Variants in ASIC2 observed in about 807,000 individuals in gnomAD.
ASIC2 encodes the protein acid-sensing ion channel 2.
A neutral mutation model predicts 57.3 loss-of-function variants in ASIC2; 25 were observed. The observed-to-expected ratio is 0.44, with a 90% CI of 0.32 to 0.61. The LOEUF (loss-of-function observed/expected upper bound fraction) is 0.61. Ranked by LOEUF, ASIC2 falls within the 20% of genes least tolerant of loss-of-function variation. The probability of loss-of-function intolerance (pLI) is 0.06; values close to 1 mark genes in which losing one functional copy is unlikely to be tolerated. For synonymous variants in ASIC2, 319 were observed against 307.5 expected (o/e 1.04, Z -0.39); for missense variants, 641 against 738.1 (o/e 0.87, Z 1.52).
chr17:33,248,587 A>G (rs769936229), intron 1 of ASIC2, among the ~76,000 whole-genome samples: 11 of 152,232 alleles, frequency 7.2e-5, no homozygotes, highest in Non-Finnish European at 7.3e-5. Flanking sequence ...AATTTGTTTC[A>G]CTGAGCTGGA....
chr17:33,618,348 G>A (rs897350756), intron 1 of ASIC2, among the ~76,000 whole-genome samples: 13 of 151,884 alleles, frequency 8.6e-5, no homozygotes, highest in African/African-American at 2.4e-4. Context: ...GCCACCACAC[G>A]TGGCTCAATG....
At chr17:33,700,784 A>G (rs1376151110) in intron 1 of ASIC2, among the ~76,000 whole-genome samples, 2 of 152,176 alleles carry the variant, frequency 1.3e-5, no homozygotes, top group Non-Finnish European at 2.9e-5. Flanking sequence ...TTGCAGGCTG[A>G]GGAGCATATG....
chr17:33,301,924 C>T (rs1235213521), intron 1 of ASIC2, among the ~76,000 whole-genome samples: 1 of 152,228 alleles, frequency 6.6e-6, no homozygotes, highest in Non-Finnish European at 1.5e-5. Context: ...CTGAGACAGG[C>T]AGAGGCAACA....
intron 1 of ASIC2, among the ~76,000 whole-genome samples, chr17:33,718,341 G>A (rs1231317718): frequency 3.3e-5 from 5 of 152,190 alleles, no homozygotes; most frequent in Non-Finnish European, 7.3e-5. Context: ...TACAGAGGCT[G>A]ACTGGATTTA....
At chr17:34,091,516 T>C (rs1290372734) in intron 1 of ASIC2, among the ~76,000 whole-genome samples, 1 of 151,992 alleles carries the variant, frequency 6.6e-6, no homozygotes. Flanking sequence ...AACTGGGGAG[T>C]GGGAGAATCC....
At chr17:33,265,714 C>T (rs1909433464) in intron 1 of ASIC2, among the ~76,000 whole-genome samples, 1 of 152,154 alleles carries the variant, frequency 6.6e-6, no homozygotes, top group Non-Finnish European at 1.5e-5. Flanking sequence ...GCCAGCTCTC[C>T]TAGAAAGCCT....
intron 1 of ASIC2, among the ~76,000 whole-genome samples, chr17:33,818,789 C>A (rs1025370283): frequency 6.6e-6 from 1 of 152,188 alleles, no homozygotes; most frequent in Admixed American, 6.5e-5. Flanking sequence ...CCTGCTTTTC[C>A]TTCCCCCAAT....
intron 1 of ASIC2, among the ~76,000 whole-genome samples, chr17:33,183,108 C>G (rs1260870031): frequency 6.6e-6 from 1 of 152,184 alleles, no homozygotes; most frequent in Non-Finnish European, 1.5e-5. Context: ...CACACAGCCA[C>G]TAAGAAGCAA....
At chr17:34,064,600 A>T (rs916693197) in intron 1 of ASIC2, among the ~76,000 whole-genome samples, 16 of 152,236 alleles carry the variant, frequency 1.1e-4, no homozygotes, top group Admixed American at 3.9e-4. Context: ...CAACCCACAG[A>T]GTGGGAGAGA....
chr17:33,733,115 A>G (rs891950603), intron 1 of ASIC2, among the ~76,000 whole-genome samples: 1 of 152,162 alleles, frequency 6.6e-6, no homozygotes, highest in African/African-American at 2.4e-5. Flanking sequence ...TAATTTGTTT[A>G]TTAAAAGATA....
At chr17:33,432,032 C>T (rs532146342) in intron 1 of ASIC2, among the ~76,000 whole-genome samples, 1 of 152,272 alleles carries the variant, frequency 6.6e-6, no homozygotes, top group African/African-American at 2.4e-5. Context: ...GAAGTCACTT[C>T]AGAAATGAAG....
chr17:33,424,883 C>A (rs1911165601), intron 1 of ASIC2, among the ~76,000 whole-genome samples: 1 of 152,156 alleles, frequency 6.6e-6, no homozygotes, highest in African/African-American at 2.4e-5. Context: ...TCAAAATATG[C>A]CCAACCTGGG....
intron 1 of ASIC2, chr17:34,070,995 C>T (rs958115477): frequency 1.3e-5 from 2 of 152,144 alleles, no homozygotes; most frequent in Non-Finnish European, 2.9e-5. Context: ...ATGGCCCAGT[C>T]GTCAACAGAT....
intron 1 of ASIC2, among the ~76,000 whole-genome samples, chr17:33,144,452 G>T (rs747420386): frequency 6.6e-6 from 1 of 152,086 alleles, no homozygotes; most frequent in Non-Finnish European, 1.5e-5. Flanking sequence ...CTGCTTCCAA[G>T]TCTTCCAAGA....
At chr17:33,016,107 C>T (rs2091804403) in intron 8 of ASIC2, 68 bp from the exon 9 acceptor site, 2 of 1,501,596 alleles carry the variant, frequency 1.3e-6, no homozygotes, top group South Asian at 1.1e-5. Flanking sequence ...GGACCTCCCT[C>T]CATTGGGCCC....
intron 1 of ASIC2, among the ~76,000 whole-genome samples, chr17:33,459,356 G>C (rs1436187791): frequency 6.6e-6 from 1 of 152,130 alleles, no homozygotes; most frequent in Non-Finnish European, 1.5e-5. Context: ...CCCAGGAGAC[G>C]CGTGCAGGAT....
In ASIC2 at chr17:34,151,712, T is replaced by C. The variant is rs75605651; in HGVS notation, c.555+4266A>G. 7.5e-3 allele frequency among the ~76,000 whole-genome samples: 1,140 copies of C among 152,258 alleles called. 18 individuals carry two copies. Among genetic ancestry groups the C allele is most frequent in the African/African-American group, 0.026 (1,087 of 41,546 alleles). On this transcript the variant is annotated intron_variant, in intron 1 of 9. Transcript: ENST00000359872. ...TGCTCCAAAGCTGTTGGTGAAGTTA[T>C]AGTATGGAATAGTGAGCAAACCACT...
Position 33,894,290 on chromosome 17 carries a change from AAGAAG to A in ASIC2, c.555+261683_555+261687del, listed in dbSNP as rs36125133. On this transcript the variant is annotated intron_variant, in intron 1 of 9. Coordinates refer to the ASIC2 transcript ENST00000359872. ...AAAGCCTGCTGGGCTTATGGGGAGG[AAGAAG>A]AGAAGAGGGGAAGGACAGAATGAGA... is the stretch of plus-strand genomic sequence containing the variant. Among the ~76,000 whole-genome samples, 505 of 151,646 alleles carry A rather than the reference AAGAAG, an allele frequency of 3.3e-3. 7 individuals carry two copies. Among genetic ancestry groups the A allele is most frequent in the African/African-American group, 0.012 (485 of 41,330 alleles).
intron 1 of ASIC2, among the ~76,000 whole-genome samples, chr17:34,045,933 T>C (rs115376021): frequency 0.021 from 3,178 of 152,300 alleles, 122 homozygotes; most frequent in African/African-American, 0.072. Context: ...AGTATCACCA[T>C]GCCAGTTTAG....
Sources: allele counts gnomAD v4.1 joint callset (sites outside exome capture counted in the v4.1 genomes callset), GRCh38; gene constraint gnomAD v4.1.1; transcripts MANE v1.5; gene names NCBI Gene and HGNC (gene_info 2026-07-23, HGNC 2026-07-21).